The following MYH11 variants were observed in gnomAD, a reference collection of about 807,000 sequenced individuals.
MYH11 encodes myosin heavy chain 11, also known as myosin-11.
MYH11 carries 80 observed loss-of-function variants against 246.6 expected under a neutral mutation model. The observed-to-expected ratio is 0.32, with a 90% CI of 0.27 to 0.39. MYH11 has a LOEUF of 0.39. Ranked by LOEUF, MYH11 falls within the 10% of genes least tolerant of loss-of-function variation. MYH11 has a pLI of 1.00. For missense variants in MYH11, 2,158 were observed against 2,546.8 expected (o/e 0.85, Z 3.29); for synonymous variants, 1,071 against 1,015.5 (o/e 1.05, Z -1.04).
intron 5 of MYH11, among the ~76,000 whole-genome samples, chr16:15,784,486 G>GT (rs1348715286): frequency 2.0e-5 from 3 of 152,090 alleles, no homozygotes; most frequent in Non-Finnish European, 4.4e-5. Flanking sequence ...TAGGCGTCCC[G>GT]TGGGTGGTAA....
In MYH11 at chr16:15,720,972, T is replaced by C; in HGVS notation, c.4658A>G (p.Asp1553Gly). 6.2e-7 allele frequency: 1 copy of C among 1,614,042 alleles called. No homozygotes were observed. The highest frequency in any genetic ancestry group is 8.5e-7 in the Non-Finnish European group (1 of 1,180,010). Residue 1553 changes from aspartate (D) to glycine (G), a missense_variant, in exon 33 of 41, where the codon GAC becomes GGC. By Grantham distance (94) the Asp-to-Gly change is moderately conservative. Transcript: ENST00000300036. ...EMKTQLEELE[D>G]ELQATEDAKL... Reference sequence around the variant, plus strand: ...GGCGTCCTCCGTGGCTTGCAGCTCGTCCTCCAGCTCTTCCAGCTGCGTCTT... The same window carrying C: ...GGCGTCCTCCGTGGCTTGCAGCTCGCCCTCCAGCTCTTCCAGCTGCGTCTT...
rs1478237955 is a variant in MYH11, at chr16:15,726,904, A to T, written c.3802T>A (p.Cys1268Ser). The change falls in exon 28 of 41, where the codon TGC (cysteine) becomes AGC (serine). Residue 1268 changes from cysteine to serine, a missense_variant. Transcript: ENST00000300036. ...GCCCGGGCCCGCTCCCCATCGCTGC[A>T]CTTGGACTGCAGCTCCTGCACCTGC... Reference protein sequence around the residue: ...EAQVQELQSKCSDGERARAEL... With the variant: ...EAQVQELQSKSSDGERARAEL... 1 of 1,612,600 alleles carries T rather than the reference A, an allele frequency of 6.2e-7. No individual in the cohort carries two copies. Among genetic ancestry groups the T allele is most frequent in the Non-Finnish European group, 8.5e-7 (1 of 1,180,016 alleles).
chr16:15,801,009 C>A (rs569547758), intron 3 of MYH11, among the ~76,000 whole-genome samples: 1 of 151,934 alleles, frequency 6.6e-6, no homozygotes, highest in Non-Finnish European at 1.5e-5. Flanking sequence ...AGTTCCAGAC[C>A]AGCCTGGCTA....
intron 31 of MYH11, 90 bp downstream of exon 31, chr16:15,724,071 C>T (rs1042388861): frequency 1.9e-6 from 3 of 1,595,536 alleles, no homozygotes; most frequent in African/African-American, 2.7e-5. Flanking sequence ...GGGATGCAGG[C>T]ACAGGCCAGA....
intron 25 of MYH11, 31 bp from the exon 26 acceptor site, chr16:15,735,609 C>G (rs367673430): frequency 1.2e-6 from 2 of 1,612,566 alleles, no homozygotes; most frequent in Non-Finnish European, 8.5e-7. Context: ...AGAATGAACC[C>G]CCAGGTCCCT....
At chr16:15,811,344 A>G (rs142374492) in intron 3 of MYH11, among the ~76,000 whole-genome samples, 2 of 152,314 alleles carry the variant, frequency 1.3e-5, no homozygotes, top group African/African-American at 4.8e-5. Flanking sequence ...CTTCCGTTAT[A>G]TGGGGACAAG....
chr16:15,825,168 A>G (rs968094791), intron 2 of MYH11, among the ~76,000 whole-genome samples: 1 of 152,132 alleles, frequency 6.6e-6, no homozygotes, highest in African/African-American at 2.4e-5. Flanking sequence ...GGAGACAGAA[A>G]ACAGACTTGT....
At chr16:15,718,220 A>G in intron 37 of MYH11, 95 bp downstream of exon 37, 2 of 1,590,060 alleles carry the variant, frequency 1.3e-6, no homozygotes, top group African/African-American at 1.3e-5. Flanking sequence ...CAGGGCCTGC[A>G]CACAGGAAGC....
chr16:15,729,152 G>A (rs906730590), intron 27 of MYH11, among the ~76,000 whole-genome samples: 3 of 152,044 alleles, frequency 2.0e-5, no homozygotes, highest in South Asian at 4.2e-4. Context: ...GCAGTGAAGC[G>A]GGGACCCTAG....
At chr16:15,849,015 C>T (rs1381266495) in intron 1 of MYH11, among the ~76,000 whole-genome samples, 2 of 152,228 alleles carry the variant, frequency 1.3e-5, no homozygotes, top group Non-Finnish European at 2.9e-5. Flanking sequence ...TCTGAAATTA[C>T]TACCCAGAAC....
chr16:15,836,014 T>G (rs1166340315), intron 2 of MYH11, among the ~76,000 whole-genome samples: 1 of 152,122 alleles, frequency 6.6e-6, no homozygotes, highest in African/African-American at 2.4e-5. Flanking sequence ...TTTCTCAAAG[T>G]GCTGGGATTA....
chr16:15,847,399 T>C (rs1375936156), intron 1 of MYH11, among the ~76,000 whole-genome samples: 1 of 152,026 alleles, frequency 6.6e-6, no homozygotes, highest in African/African-American at 2.4e-5. Flanking sequence ...CACAGGCACC[T>C]GCCACCATGC....
At chr16:15,829,105 A>G (rs1398355869) in intron 2 of MYH11, among the ~76,000 whole-genome samples, 2 of 151,908 alleles carry the variant, frequency 1.3e-5, no homozygotes, top group South Asian at 4.1e-4. Flanking sequence ...AGTCACCTGA[A>G]CCAAGGAGGC....
rs138289738 is a variant in MYH11, at chr16:15,777,423, G to C, written c.791-1247C>G. On this transcript the variant is annotated intron_variant, in intron 7 of 40. Coordinates refer to ENST00000300036, the MANE Select transcript of MYH11 (RefSeq NM_002474.3). ...GGCGTGAACCACCGTGCCTGGCTGA[G>C]ATGTGTGTTTCTAAAGAGCTCCCAA... 2.7e-3 allele frequency among the ~76,000 whole-genome samples: 407 copies of C among 152,278 alleles called. 5 individuals carry two copies. Among genetic ancestry groups the C allele is most frequent in the African/African-American group, 9.3e-3 (387 of 41,548 alleles).
chr16:15,717,586 G>A (rs1392279662), intron 37 of MYH11: 1 of 591,588 alleles, frequency 1.7e-6, no homozygotes, highest in Non-Finnish European at 3.0e-6. Flanking sequence ...CTTGAGCTCA[G>A]GAGTTCGAGA....
intron 12 of MYH11, 129 bp downstream of exon 12, chr16:15,759,447 C>T: frequency 1.6e-6 from 2 of 1,218,090 alleles, no homozygotes; most frequent in African/African-American, 1.5e-5. Flanking sequence ...AATGATCCAC[C>T]CTTAACTAGA....
chr16:15,846,079 A>G (rs568655493), intron 1 of MYH11, among the ~76,000 whole-genome samples: 2 of 152,194 alleles, frequency 1.3e-5, no homozygotes, highest in African/African-American at 4.8e-5. Flanking sequence ...AGCCTTGGCG[A>G]CAGAGTCAGC....
chr16:15,715,289 A>G lies in MYH11; in HGVS notation c.5505-17T>C. The G allele has an allele frequency of 1.2e-6, 2 of 1,613,826 alleles. No homozygotes were observed. Among genetic ancestry groups the G allele is most frequent in the Non-Finnish European group, 1.7e-6 (2 of 1,179,860 alleles). On this transcript the variant is annotated splice_polypyrimidine_tract_variant and intron_variant, in intron 38 of 40. Coordinates refer to ENST00000300036, the MANE Select transcript of MYH11 (RefSeq NM_002474.3). ...TGTTTCTCTCTGCAAACAGCAAGGA[A>G]AACAGGTGGTTTCAGCGGAGGGTGG...
chr16:15,766,115 A>T (rs927025060), intron 9 of MYH11, among the ~76,000 whole-genome samples: 4 of 152,056 alleles, frequency 2.6e-5, no homozygotes, highest in African/African-American at 7.2e-5. Flanking sequence ...GATACTACTC[A>T]ATGTCCCCTG....
Sources: gnomAD v4.1 joint callset for allele counts (sites outside exome capture counted in the v4.1 genomes callset) on GRCh38, gnomAD v4.1.1 for gene constraint, MANE v1.5 for transcripts, NCBI Gene and HGNC (gene_info 2026-07-23, HGNC 2026-07-21) for gene names.